Variants in POT1 observed in about 807,000 individuals in gnomAD.
POT1 encodes the protein protection of telomeres protein 1.
In POT1, 47 loss-of-function variants were observed where a neutral mutation model predicts 78.5. That is an observed-to-expected ratio of 0.60 (90% CI 0.47 to 0.76). The LOEUF (loss-of-function observed/expected upper bound fraction) is 0.76. Ranked by LOEUF, POT1 falls within the 30% of genes least tolerant of loss-of-function variation. POT1 has a pLI of 0.00. For synonymous variants in POT1, 259 were observed against 260.7 expected (o/e 0.99, Z 0.06); for missense variants, 646 against 749.9 (o/e 0.86, Z 1.62).
intron 3 of POT1, among the ~76,000 whole-genome samples, chr7:124,912,254 A>T (rs1224875817): frequency 6.6e-6 from 1 of 152,106 alleles, no homozygotes; most frequent in Non-Finnish European, 1.5e-5. Context: ...TGGGGGAAAA[A>T]AAAAAAACTC....
intron 14 of POT1, among the ~76,000 whole-genome samples, chr7:124,835,655 CTTAAAT>C (rs1366323724): frequency 6.6e-6 from 1 of 152,138 alleles, no homozygotes; most frequent in Non-Finnish European, 1.5e-5. Context: ...TAACCAACTT[CTTAAAT>C]TTAAACAAAT....
intron 6 of POT1, 135 bp downstream of exon 6, chr7:124,892,131 T>C: frequency 3.7e-6 from 2 of 538,944 alleles, no homozygotes; most frequent in Non-Finnish European, 6.6e-6. Flanking sequence ...AGCCAAAGAA[T>C]ATGCATCAGT....
At chr7:124,840,129 ATT>A (rs1794991327) in intron 14 of POT1, among the ~76,000 whole-genome samples, 1 of 151,998 alleles carries the variant, frequency 6.6e-6, no homozygotes, top group Non-Finnish European at 1.5e-5. Context: ...AGCGTGGTAC[ATT>A]TGTTAAAAAT....
rs1794653233 is a variant in POT1, at chr7:124,827,267, T to C, written c.1633A>G (p.Thr545Ala). ...IVPLQYVFVM[T>A]FTLDDGTGVL... ...CCTGTTCCATCATCAAGTGTAAAGG[T>C]CATAACAAACACATATTGGAGGGGT... Residue 545 changes from threonine (T) to alanine (A), a missense_variant, in exon 17 of 19, where the codon ACC becomes GCC. Physicochemically the swap from Thr to Ala is moderately conservative, Grantham distance 58. Transcript: ENST00000357628. 1 of 1,600,674 alleles carries C rather than the reference T, an allele frequency of 6.2e-7. No individual in the cohort carries two copies. The highest frequency in any genetic ancestry group is 1.1e-5 in the South Asian group (1 of 89,606).
chr7:124,829,021 A>G, intron 16 of POT1: 1 of 718,686 alleles, frequency 1.4e-6, no homozygotes, highest in Non-Finnish European at 2.6e-6. Context: ...AGGAGGAAAA[A>G]CAAAATAGTA....
intron 6 of POT1, among the ~76,000 whole-genome samples, chr7:124,875,531 G>A (rs1449791528): frequency 1.3e-5 from 2 of 152,088 alleles, no homozygotes; most frequent in African/African-American, 4.8e-5. Flanking sequence ...TTGTGCCCAT[G>A]GTCAGTGAGA....
intron 6 of POT1, among the ~76,000 whole-genome samples, chr7:124,886,189 T>A (rs1796239814): frequency 1.3e-5 from 2 of 152,202 alleles, no homozygotes; most frequent in African/African-American, 4.8e-5. Context: ...AGATGAATTT[T>A]CACGAAAAAT....
At chr7:124,854,242 C>A (rs1795387674) in intron 9 of POT1, among the ~76,000 whole-genome samples, 1 of 151,836 alleles carries the variant, frequency 6.6e-6, no homozygotes, top group Non-Finnish European at 1.5e-5. Context: ...ATTTATGTTT[C>A]ACATATATGT....
chr7:124,835,538 G>T, intron 14 of POT1, 124 bp from the exon 15 acceptor site: 1 of 1,045,426 alleles, frequency 9.6e-7, no homozygotes, highest in Non-Finnish European at 1.3e-6. Flanking sequence ...GACAATGAAT[G>T]TATGTAAAAA....
At position 124,827,213 on chromosome 7, in the gene POT1, C is replaced by T. The variant is rs2116414585; in HGVS notation, c.1686+1G>A. The stretch of plus-strand genomic sequence containing the variant: ...ATATCTTTATTACCTCTGATACTTA[C>T]AGAATCCATGAGATAGGCTTCTAGT... On this transcript the variant is annotated splice_donor_variant, in intron 17 of 18. Transcript: ENST00000357628. LOFTEE classifies it high-confidence loss of function. 1 of 1,468,332 alleles carries T rather than the reference C, an allele frequency of 6.8e-7. No individual in the cohort carries two copies. The highest frequency in any genetic ancestry group is 2.4e-5 in the East Asian group (1 of 42,234). The allele number at this position is 1,468,332 out of a possible 1,614,324, so 91.0% of individuals were successfully genotyped here.
rs1554416575 is a variant in POT1, at chr7:124,829,730, A to ATC, written c.1506-389_1506-388insGA. Among the ~76,000 whole-genome samples the ATC allele has an allele frequency of 6.5e-3, 991 of 151,394 alleles. 14 individuals carry two copies. Among genetic ancestry groups the ATC allele is most frequent in the African/African-American group, 0.021 (883 of 41,150 alleles). The stretch of plus-strand genomic sequence containing the variant: ...TATCTATATCTATATCTATATCTAT[A>ATC]TATATATATTTTTTAAGACAAGGTC... On this transcript the variant is annotated intron_variant, in intron 15 of 18. Transcript: ENST00000357628.
chr7:124,837,138 CT>C, intron 14 of POT1: 1 of 246,346 alleles, frequency 4.1e-6, no homozygotes, highest in Non-Finnish European at 8.2e-6. Context: ...AGTCTTTAAC[CT>C]TGAGTACTTC....
chr7:124,827,425 A>G, intron 16 of POT1, 120 bp from the exon 17 acceptor site: 1 of 467,824 alleles, frequency 2.1e-6, no homozygotes, highest in East Asian at 3.7e-5. Context: ...ATAACTCAAG[A>G]TACAAAGAAA....
intron 6 of POT1, among the ~76,000 whole-genome samples, chr7:124,887,505 T>C (rs147505665): frequency 6.6e-6 from 1 of 152,096 alleles, no homozygotes; most frequent in Admixed American, 6.6e-5. Context: ...AGATTCCTAG[T>C]TCATTCCTCA....
At chr7:124,926,248 C>A (rs544584810) in intron 2 of POT1, among the ~76,000 whole-genome samples, 3 of 152,020 alleles carry the variant, frequency 2.0e-5, no homozygotes, top group Admixed American at 1.3e-4. Context: ...AACCAAAAAA[C>A]CCCCAAATAA....
intron 2 of POT1, among the ~76,000 whole-genome samples, chr7:124,924,940 C>T (rs1797238767): frequency 1.3e-5 from 2 of 151,926 alleles, no homozygotes; most frequent in South Asian, 4.1e-4. Flanking sequence ...CCTCAACAAA[C>T]TAGATAGAGA....
intron 6 of POT1, among the ~76,000 whole-genome samples, chr7:124,891,407 AAATCTAAGGTGAGTTT>A (rs1031233384): frequency 2.6e-5 from 4 of 151,354 alleles, no homozygotes; most frequent in African/African-American, 9.7e-5. Flanking sequence ...GTGTGTCCTT[AAATCTAAGGTGAGTTT>A]TTGTAGACAG....
intron 7 of POT1, among the ~76,000 whole-genome samples, chr7:124,868,341 A>T (rs1017336193): frequency 2.0e-5 from 3 of 152,178 alleles, no homozygotes; most frequent in Admixed American, 6.5e-5. Context: ...GTAATGCTAA[A>T]TCTATACAGG....
At chr7:124,882,565 G>A (rs1796143950) in intron 6 of POT1, among the ~76,000 whole-genome samples, 1 of 151,936 alleles carries the variant, frequency 6.6e-6, no homozygotes, top group African/African-American at 2.4e-5. Context: ...AGATTAGATA[G>A]ATGTTAGACA....
Sources: gnomAD v4.1 joint callset for allele counts (sites outside exome capture counted in the v4.1 genomes callset) on GRCh38, gnomAD v4.1.1 for gene constraint, MANE v1.5 for transcripts, NCBI Gene and HGNC (gene_info 2026-07-23, HGNC 2026-07-21) for gene names.